The following PCDHGB2 variants were observed in gnomAD, a reference collection of about 807,000 sequenced individuals.
PCDHGB2 encodes the protein protocadherin gamma-B2.
A neutral mutation model predicts 59.3 loss-of-function variants in PCDHGB2; 55 were observed. The ratio of observed to expected loss-of-function variants is 0.93; its 90% CI spans 0.75 to 1.16. The LOEUF (loss-of-function observed/expected upper bound fraction) is 1.16. Ranked by LOEUF, PCDHGB2 falls within the 50% of genes most tolerant of loss-of-function variation. The pLI, the probability that PCDHGB2 is intolerant of heterozygous loss-of-function variation, is 0.00. For synonymous variants in PCDHGB2, 516 were observed against 512.0 expected, an observed-to-expected ratio of 1.01 and a Z score of -0.11; for missense variants, 1,228 against 1,198.5, an observed-to-expected ratio of 1.02 and a Z score of -0.36.
At chr5:141,394,028 G>A (rs758413971) in intron 1 of PCDHGB2, 1 of 1,613,454 alleles carries the variant, frequency 6.2e-7, no homozygotes, top group Admixed American at 1.7e-5. Flanking sequence ...ATAGATTAGT[G>A]ACAAGGAAAT....
At chr5:141,454,796 ATTTTTTT>A (rs61612330) in intron 1 of PCDHGB2, among the ~76,000 whole-genome samples, 2,943 of 77,244 alleles carry the variant, frequency 0.038, 52 homozygotes, top group African/African-American at 0.09. Context: ...CATGGTTCTA[ATTTTTTT>A]TTTTTTTTTT....
chr5:141,433,812 G>A (rs535623556), intron 1 of PCDHGB2, among the ~76,000 whole-genome samples: 46 of 150,530 alleles, frequency 3.1e-4, no homozygotes, highest in African/African-American at 1.1e-3. Context: ...ACTCCAGCCT[G>A]GGCAACAAGA....
intron 1 of PCDHGB2, chr5:141,413,249 G>A (rs756270877): frequency 6.8e-6 from 11 of 1,613,832 alleles, no homozygotes; most frequent in Non-Finnish European, 9.3e-6. Flanking sequence ...CTTTTCTTCG[G>A]GATTCCATGG....
intron 1 of PCDHGB2, chr5:141,374,073 A>G (rs1201568464): frequency 2.6e-6 from 4 of 1,510,034 alleles, no homozygotes; most frequent in Non-Finnish European, 2.7e-6. Context: ...GAAGTTCCTA[A>G]TAAGCCAGTA....
In PCDHGB2 at chr5:141,491,463, C is replaced by CT. The variant is rs765984397; in HGVS notation, c.2422-3343dup. The CT allele has an allele frequency of 6.2e-7, 1 of 1,614,112 alleles. No homozygotes were observed. Among genetic ancestry groups the CT allele is most frequent in the Non-Finnish European group, 8.5e-7 (1 of 1,180,010 alleles). ...GCCAGGACTCACCCTCCCCGGACTT[C>CT]TATAAGCAGTCCAGCCCCAACCTGC... On this transcript the variant is annotated intron_variant, in intron 1 of 3. Coordinates refer to ENST00000522605, the MANE Select transcript of PCDHGB2 (RefSeq NM_018923.3). This position sits in a 1 kb window ranked among gnomAD's most constrained non-coding sequence, Gnocchi z 6.9.
intron 1 of PCDHGB2, chr5:141,414,689 T>G (rs1256681548): frequency 1.2e-6 from 2 of 1,614,070 alleles, no homozygotes; most frequent in Non-Finnish European, 8.5e-7. Context: ...GGGGTACCTC[T>G]GTCCTCATAC....
rs375665864 is a variant in PCDHGB2, at chr5:141,469,524, A to G, written c.2422-25283A>G. Among the ~76,000 whole-genome samples the G allele has an allele frequency of 2.4e-4, 36 of 152,260 alleles. No homozygotes were observed. The East Asian group carries it at 3.1e-3, about 13-fold the overall frequency. On this transcript the variant is annotated intron_variant, in intron 1 of 3. Coordinates refer to ENST00000522605, the MANE Select transcript of PCDHGB2 (RefSeq NM_018923.3). ...CGGGAGGTGGAGGTTGCAGTGAGCCAAGATTGTGCCACTGCACTCCAGCCT... is the reference window on the plus strand; with the variant it reads ...CGGGAGGTGGAGGTTGCAGTGAGCCGAGATTGTGCCACTGCACTCCAGCCT...
Position 141,432,880 on chromosome 5 carries a change from C to T in PCDHGB2, c.2422-61927C>T, listed in dbSNP as rs865848752. ...CGGTCTCCTGCGTCTTCCTGGCCTT[C>T]GTCATCTTGCTGCTGGCGCTCAGGC... On this transcript the variant is annotated intron_variant, in intron 1 of 3. Transcript: ENST00000522605. The surrounding 1 kb of genome is among the most constrained non-coding windows in gnomAD (Gnocchi z 6.0). 1 of 1,614,194 alleles carries T rather than the reference C, an allele frequency of 6.2e-7. No individual in the cohort carries two copies. Among genetic ancestry groups the T allele is most frequent in the Non-Finnish European group, 8.5e-7 (1 of 1,180,008 alleles).
At position 141,360,116 on chromosome 5, in the gene PCDHGB2, G is replaced by C. The variant is rs1286160130; in HGVS notation, c.-20G>C. 6.4e-7 allele frequency: 1 copy of C among 1,570,542 alleles called. No individual in the cohort carries two copies. The highest frequency in any genetic ancestry group is 8.6e-7 in the Non-Finnish European group (1 of 1,156,496). On this transcript the variant is annotated 5_prime_UTR_variant, in exon 1 of 4. Coordinates refer to ENST00000522605, the MANE Select transcript of PCDHGB2 (RefSeq NM_018923.3). ...AAGGCTTATTCCTCCTATGGGCAAAGGAGCAAAGGGAGCCAGAAGATGAAA... is the reference window on the plus strand; with the variant it reads ...AAGGCTTATTCCTCCTATGGGCAAACGAGCAAAGGGAGCCAGAAGATGAAA...
Position 141,398,972 on chromosome 5 carries a change from A to G in PCDHGB2, c.2421+36416A>G, listed in dbSNP as rs191593174. 31 of 1,613,974 alleles carry G rather than the reference A, an allele frequency of 1.9e-5. No homozygotes were observed. In the South Asian group the frequency reaches 2.5e-4, roughly 13 times the overall value. The stretch of plus-strand genomic sequence containing the variant: ...AACTCAGAAATTACTTATTCCTTCT[A>G]CAGAACCGGGCAAATCTTTAGTCTG... On this transcript the variant is annotated intron_variant, in intron 1 of 3. Transcript: ENST00000522605.
At position 141,362,316 on chromosome 5, in the gene PCDHGB2, T is replaced by C; in HGVS notation, c.2181T>C (p.Phe727=). 2 of 1,614,050 alleles carry C rather than the reference T, an allele frequency of 1.2e-6. No individual in the cohort carries two copies. The highest frequency in any genetic ancestry group is 1.7e-6 in the Non-Finnish European group (2 of 1,179,906). Residue 727 remains phenylalanine, a synonymous_variant, in exon 1 of 4, where the codon TTT becomes TTC. Transcript: ENST00000522605. The part of the protein sequence containing the change: ...LSSRSDAWDC[F]QPGLSSKPGP... ...CCAGGTCAGATGCTTGGGACTGTTTTCAGCCTGGTCTCAGCTCCAAGCCTG... is the reference window on the plus strand; with the variant it reads ...CCAGGTCAGATGCTTGGGACTGTTTCCAGCCTGGTCTCAGCTCCAAGCCTG...
At chr5:141,437,741 C>CT (rs35124340) in intron 1 of PCDHGB2, among the ~76,000 whole-genome samples, 18,734 of 141,656 alleles carry the variant, frequency 0.13, 1,459 homozygotes, top group African/African-American at 0.22. Context: ...TTGAGTTCAC[C>CT]TTTTTTTTTT....
chr5:141,463,874 G>T (rs1311566242), intron 1 of PCDHGB2, among the ~76,000 whole-genome samples: 1 of 152,136 alleles, frequency 6.6e-6, no homozygotes, highest in Non-Finnish European at 1.5e-5. Flanking sequence ...TGACTGAAAG[G>T]AAAAGTTTTC....
At chr5:141,373,070 A>G (rs1217511247) in intron 1 of PCDHGB2, among the ~76,000 whole-genome samples, 2 of 152,206 alleles carry the variant, frequency 1.3e-5, no homozygotes, top group Non-Finnish European at 2.9e-5. Context: ...AACATTTTTA[A>G]TACAGTATTA....
At chr5:141,418,717 C>G in intron 1 of PCDHGB2, 2 of 1,613,938 alleles carry the variant, frequency 1.2e-6, no homozygotes, top group Non-Finnish European at 1.7e-6. Context: ...GTGTGGCTGA[C>G]AAAGCTCAGC....
intron 1 of PCDHGB2, chr5:141,376,198 G>A (rs1772399318): frequency 6.2e-7 from 1 of 1,614,072 alleles, no homozygotes; most frequent in South Asian, 1.1e-5. Context: ...GCGTCTTCCT[G>A]GCCTTCGTCA....
intron 1 of PCDHGB2, chr5:141,400,170 G>T (rs779918187): frequency 6.2e-7 from 1 of 1,614,066 alleles, no homozygotes; most frequent in Admixed American, 1.7e-5. Flanking sequence ...CTGACCCCCA[G>T]GCTGAGCTGC....
rs747205741 is a variant in PCDHGB2, at chr5:141,384,243, C to A, written c.2421+21687C>A. On this transcript the variant is annotated intron_variant, in intron 1 of 3. Coordinates refer to ENST00000522605, the MANE Select transcript of PCDHGB2 (RefSeq NM_018923.3). ...TGCAGGTGGCAGACACCAACGATAA[C>A]CCACCCACCTTCCCCCACTCATCCT... 3.5e-5 allele frequency: 56 copies of A among 1,613,762 alleles called. 1 individual carries two copies. The South Asian group carries it at 6.0e-4, about 17-fold the overall frequency.
chr5:141,426,311 G>C (rs895147447), intron 1 of PCDHGB2: 7 of 173,614 alleles, frequency 4.0e-5, no homozygotes, highest in Middle Eastern at 2.9e-3. Context: ...AAGCAGAGAA[G>C]CAGGACCCGG....
Sources: allele counts gnomAD v4.1 joint callset (sites outside exome capture counted in the v4.1 genomes callset), GRCh38; gene constraint gnomAD v4.1.1; non-coding constraint Gnocchi (gnomAD v3.1); transcripts MANE v1.5; gene names NCBI Gene and HGNC (gene_info 2026-07-23, HGNC 2026-07-21).